PAX5: variants seen among roughly 807,000 people sequenced by gnomAD.
PAX5 encodes the protein paired box 5.
A neutral mutation model predicts 43.7 loss-of-function variants in PAX5; 9 were observed. The ratio of observed to expected loss-of-function variants is 0.21; its 90% CI spans 0.12 to 0.36. The LOEUF (loss-of-function observed/expected upper bound fraction) is 0.36. Ranked by LOEUF, PAX5 falls within the 10% of genes least tolerant of loss-of-function variation. PAX5 has a pLI of 1.00. For missense variants in PAX5, 383 were observed against 532.7 expected (o/e 0.72, Z 2.77); for synonymous variants, 228 against 214.3 (o/e 1.06, Z -0.56).
At chr9:36,927,383 G>A (rs563875275) in intron 6 of PAX5, among the ~76,000 whole-genome samples, 1 of 152,332 alleles carries the variant, frequency 6.6e-6, no homozygotes, top group South Asian at 2.1e-4. Flanking sequence ...GTGGTCAACA[G>A]GGATATATCC....
At chr9:36,961,618 A>G (rs1227096525) in intron 6 of PAX5, among the ~76,000 whole-genome samples, 4 of 152,228 alleles carry the variant, frequency 2.6e-5, no homozygotes, top group Non-Finnish European at 5.9e-5. Context: ...GGCTTTAGTG[A>G]AGGCTCAAAA....
intron 1 of PAX5, among the ~76,000 whole-genome samples, chr9:37,025,463 C>T (rs550032471): frequency 1.3e-5 from 2 of 152,186 alleles, no homozygotes; most frequent in Admixed American, 1.3e-4. Flanking sequence ...GGGGACGGCT[C>T]CTAGCCCGGG....
intron 7 of PAX5, among the ~76,000 whole-genome samples, chr9:36,891,628 A>T (rs755855088): frequency 6.6e-6 from 1 of 152,144 alleles, no homozygotes; most frequent in Non-Finnish European, 1.5e-5. Flanking sequence ...CAGACAATGG[A>T]TGTGCTAATT....
chr9:36,986,489 C>A (rs1210608641), intron 5 of PAX5, among the ~76,000 whole-genome samples: 1 of 152,082 alleles, frequency 6.6e-6, no homozygotes, highest in Admixed American at 6.5e-5. Flanking sequence ...CCGGCGCGAG[C>A]GGGCGGCCTC....
intron 7 of PAX5, chr9:36,923,066 C>T (rs1830306937): frequency 2.7e-6 from 1 of 368,958 alleles, no homozygotes; most frequent in Non-Finnish European, 4.9e-6. Context: ...CAGCCCCACC[C>T]ACGGGGGCCC....
intron 1 of PAX5, among the ~76,000 whole-genome samples, chr9:37,025,785 CG>C (rs1840290490): frequency 6.6e-6 from 1 of 152,176 alleles, no homozygotes; most frequent in African/African-American, 2.4e-5. Context: ...CTTTCAGAGG[CG>C]GGGGTGCCTG....
intron 7 of PAX5, among the ~76,000 whole-genome samples, chr9:36,905,545 C>T (rs540350401): frequency 3.3e-4 from 50 of 152,290 alleles, no homozygotes; most frequent in Middle Eastern, 3.4e-3. Context: ...GACAGAAGCA[C>T]CCGAAGTACA....
chr9:36,918,677 A>T (rs573222896), intron 7 of PAX5, among the ~76,000 whole-genome samples: 12 of 152,148 alleles, frequency 7.9e-5, no homozygotes, highest in Non-Finnish European at 1.3e-4. Flanking sequence ...AAGAAGAAGA[A>T]GATGATCAAA....
Position 36,835,543 on chromosome 9 carries a change from T to C in PAX5, c.*5017A>G. ...AATATGCAAGAGGGAACCCTGAGGT[T>C]TGGGGCAACAGGGGCAAGGGGCTGA... On this transcript the variant is annotated 3_prime_UTR_variant, in exon 10 of 10. Coordinates refer to ENST00000358127, the MANE Select transcript of PAX5 (RefSeq NM_016734.3). 1 of 233,176 alleles carries C rather than the reference T, an allele frequency of 4.3e-6. No individual in the cohort carries two copies. The highest frequency in any genetic ancestry group is 8.5e-6 in the Non-Finnish European group (1 of 117,992). 14.4% of individuals were successfully genotyped at this position (233,176 alleles called of 1,614,324 possible).
intron 9 of PAX5, 55 bp from the exon 10 acceptor site, chr9:36,840,691 G>A: frequency 4.4e-6 from 5 of 1,129,258 alleles, no homozygotes; most frequent in East Asian, 2.6e-5. Context: ...CTTTCCACCA[G>A]TCTCCTCCAC....
chr9:36,834,222 G>A lies in PAX5; in HGVS notation c.*6338C>T. 1 of 233,320 alleles carries A rather than the reference G, an allele frequency of 4.3e-6. No individual in the cohort carries two copies. Among genetic ancestry groups the A allele is most frequent in the East Asian group, 6.0e-5 (1 of 16,588 alleles). 14.5% of individuals were successfully genotyped at this position (233,320 alleles called of 1,614,324 possible). Reference sequence around the variant, plus strand: ...GCCCAGGCAACGCCAGGCCCTCACTGCCCGCCACCCTCTGTTGTGCTGGGT... The same window carrying A: ...GCCCAGGCAACGCCAGGCCCTCACTACCCGCCACCCTCTGTTGTGCTGGGT... On this transcript the variant is annotated 3_prime_UTR_variant, in exon 10 of 10. Coordinates refer to ENST00000358127, the MANE Select transcript of PAX5 (RefSeq NM_016734.3).
chr9:36,836,681 T>C lies in PAX5; in HGVS notation c.*3879A>G. 4.3e-6 allele frequency: 1 copy of C among 232,342 alleles called. No individual in the cohort carries two copies. The highest frequency in any genetic ancestry group is 8.5e-6 in the Non-Finnish European group (1 of 117,492). The allele number at this position is 232,342 out of a possible 1,614,324, so 14.4% of individuals were successfully genotyped here. A position where few individuals can be genotyped will look rare whatever the true frequency, so the allele number is the denominator to read the frequency against. On this transcript the variant is annotated 3_prime_UTR_variant, in exon 10 of 10. Coordinates refer to ENST00000358127, the MANE Select transcript of PAX5 (RefSeq NM_016734.3). ...ATTCAGGGGACTTGAGATTGTGATC[T>C]GTGTTTCCAGGGGCTGTGGACACCC...
chr9:36,930,794 T>G, intron 6 of PAX5: 1 of 1,278,252 alleles, frequency 7.8e-7, no homozygotes, highest in Non-Finnish European at 1.0e-6. Context: ...AACTAAGCAA[T>G]ATGAGAGGTT....
rs916300170 is a variant in PAX5, at chr9:36,913,977, AC to A, written c.910+9377del. On this transcript the variant is annotated intron_variant, in intron 7 of 9. Transcript: ENST00000358127. ...GCCGTGTGGTGAAACAGAGCCCCCCACCCCCCAACAGCTCCTGGGGGCATTC... is the reference window on the plus strand; with the variant it reads ...GCCGTGTGGTGAAACAGAGCCCCCCACCCCCAACAGCTCCTGGGGGCATTC... 4.6e-5 allele frequency among the ~76,000 whole-genome samples: 7 copies of A among 151,666 alleles called. No homozygotes were observed. In the South Asian group the frequency reaches 1.5e-3, roughly 32 times the overall value.
intron 5 of PAX5, among the ~76,000 whole-genome samples, chr9:36,969,504 A>G (rs1332202185): frequency 6.6e-6 from 1 of 152,240 alleles, no homozygotes; most frequent in Non-Finnish European, 1.5e-5. Flanking sequence ...CTCAGGGCAC[A>G]CAGGCCCTCA....
intron 7 of PAX5, among the ~76,000 whole-genome samples, chr9:36,899,862 C>G (rs1379631475): frequency 1.3e-5 from 2 of 152,202 alleles, no homozygotes; most frequent in Non-Finnish European, 2.9e-5. Context: ...CATCCCAAAT[C>G]CAGTGCAACC....
intron 3 of PAX5, among the ~76,000 whole-genome samples, chr9:37,012,578 T>C (rs1166114989): frequency 6.6e-6 from 1 of 152,216 alleles, no homozygotes; most frequent in East Asian, 1.9e-4. Context: ...GCAGAAAACA[T>C]CAGCGGGCCC....
intron 7 of PAX5, among the ~76,000 whole-genome samples, chr9:36,898,144 A>T (rs1828031936): frequency 6.6e-6 from 1 of 152,224 alleles, no homozygotes; most frequent in Admixed American, 6.5e-5. Flanking sequence ...GAGAAAGAGG[A>T]ACAAGGCAGT....
chr9:36,939,048 T>G (rs535749290), intron 6 of PAX5, among the ~76,000 whole-genome samples: 1 of 152,236 alleles, frequency 6.6e-6, no homozygotes, highest in Non-Finnish European at 1.5e-5. Flanking sequence ...CAACTCCCTA[T>G]GCACCTGGCC....
Sources: allele counts gnomAD v4.1 joint callset (sites outside exome capture counted in the v4.1 genomes callset), GRCh38; gene constraint gnomAD v4.1.1; transcripts MANE v1.5; gene names NCBI Gene and HGNC (gene_info 2026-07-23, HGNC 2026-07-21).